Variants in COL5A3 observed in about 807,000 individuals in gnomAD.
COL5A3 encodes collagen type V alpha 3 chain, also known as collagen alpha-3(V) chain.
COL5A3 carries 172 observed loss-of-function variants against 250.0 expected under a neutral mutation model. The ratio of observed to expected loss-of-function variants is 0.69; its 90% CI spans 0.61 to 0.78. COL5A3 has a LOEUF of 0.78. Ranked by LOEUF, COL5A3 falls within the 30% of genes least tolerant of loss-of-function variation. The pLI is 0.00. For missense variants in COL5A3, 2,340 were observed against 2,334.4 expected, an observed-to-expected ratio of 1.00 and a Z score of -0.05; for synonymous variants, 937 against 900.4, an observed-to-expected ratio of 1.04 and a Z score of -0.73.
chr19:9,969,063 T>C (rs1440132862), intron 57 of COL5A3, among the ~76,000 whole-genome samples: 1 of 152,064 alleles, frequency 6.6e-6, no homozygotes, highest in African/African-American at 2.4e-5. Flanking sequence ...CAGAGGGTTA[T>C]AGAGATGGGC....
intron 64 of COL5A3, among the ~76,000 whole-genome samples, chr19:9,965,217 C>CT (rs2086725440): frequency 6.8e-6 from 1 of 147,330 alleles, no homozygotes; most frequent in African/African-American, 2.5e-5. Context: ...TTCAGTGACA[C>CT]GATCTCGGCT....
Position 10,010,312 on chromosome 19 carries a change from G to T in COL5A3, c.74C>A (p.Pro25Gln). ...CLLLAALQLL[P>Q]GTQADPVDVL... ...TCCCGGCTCACCGGCCTGCGTCCCC[G>T]GCAGAAGCTGCAGCGCGGCCAGGAG... The change falls in exon 1 of 67, where the codon CCG becomes CAG. Residue 25 changes from proline (P) to glutamine (Q), a missense_variant. Around this residue, in one of 3 missense-constraint regions of COL5A3, gnomAD observed 1,152 missense variants for 1,146.3 expected, o/e 1.00. Coordinates refer to ENST00000264828, the MANE Select transcript of COL5A3 (RefSeq NM_015719.4). 6.9e-7 allele frequency: 1 copy of T among 1,454,022 alleles called. No homozygotes were observed. The highest frequency in any genetic ancestry group is 1.5e-5 in the African/African-American group (1 of 68,090). The allele number at this position is 1,454,022 out of a possible 1,614,324, so 90.1% of individuals were successfully genotyped here.
rs373079452 is a variant in COL5A3 at position 9,960,428 on chromosome 19, C to T, written c.5221G>A (p.Val1741Ile). The change falls in exon 67 of 67, where the codon GTC becomes ATC. Residue 1741 changes from valine (V) to isoleucine (I), a missense_variant. Val to Ile is a conservative substitution (Grantham distance 29). Around this residue, in one of 3 missense-constraint regions of COL5A3, gnomAD observed 1,179 missense variants for 1,162.6 expected, o/e 1.01. Transcript: ENST00000264828. ...NQKFGFELGP[V>I]CFSS The stretch of plus-strand genomic sequence containing the variant: ...GGACACTCTCAGCTGCTGAAGCAGA[C>T]GGGGCCCAGTTCAAACCCAAACTTT... 14 of 1,614,074 alleles carry T rather than the reference C, an allele frequency of 8.7e-6. No individual in the cohort carries two copies. The highest frequency in any genetic ancestry group is 1.3e-5 in the African/African-American group (1 of 74,930).
intron 27 of COL5A3, among the ~76,000 whole-genome samples, chr19:9,987,987 C>A (rs545132714): frequency 3.3e-5 from 5 of 152,190 alleles, no homozygotes; most frequent in Non-Finnish European, 5.9e-5. Context: ...GTAATCCCAG[C>A]ACTTTGAGAG....
In COL5A3 at chr19:10,004,125, C is replaced by T; in HGVS notation, c.615G>A (p.Leu205=). The change falls in exon 5 of 67, where the codon CTG becomes CTA. Residue 205 remains leucine (L), a synonymous_variant. Transcript: ENST00000264828. ...AGGCAGCCTGAGGATCTGGGCTTAT[C>T]AGCAGCTCCTGAATGTCTCCCTGGG... ...KTFEGDIQEL[L]ISPDPQAAFQ... is the part of the protein sequence containing the mutation. The T allele has an allele frequency of 1.2e-6, 2 of 1,613,924 alleles. No individual in the cohort carries two copies. The highest frequency in any genetic ancestry group is 1.7e-6 in the Non-Finnish European group (2 of 1,179,880).
chr19:9,992,164 TG>T, intron 21 of COL5A3, 116 bp from the exon 22 acceptor site: 1 of 859,910 alleles, frequency 1.2e-6, no homozygotes, highest in Non-Finnish European at 1.9e-6. Flanking sequence ...GGCTCATGCT[TG>T]TAATCCCAGC....
intron 27 of COL5A3, among the ~76,000 whole-genome samples, chr19:9,987,217 T>G (rs1249009732): frequency 6.6e-6 from 1 of 152,210 alleles, no homozygotes; most frequent in Non-Finnish European, 1.5e-5. Flanking sequence ...AAAACTGCAC[T>G]TGGCTACAAC....
intron 11 of COL5A3, 72 bp from the exon 12 acceptor site, chr19:9,996,761 A>C (rs2087280050): frequency 2.5e-6 from 3 of 1,189,810 alleles, no homozygotes. Flanking sequence ...CAGGGGAGGC[A>C]CAGAAGGATG....
chr19:9,967,265 G>A, intron 62 of COL5A3, 82 bp downstream of exon 62: 1 of 1,045,946 alleles, frequency 9.6e-7, no homozygotes, highest in Non-Finnish European at 1.3e-6. Context: ...CGCACGGAAG[G>A]ACCCTCTGGG....
At chr19:9,998,188 T>C in intron 8 of COL5A3, 39 bp from the exon 9 acceptor site, 1 of 1,583,596 alleles carries the variant, frequency 6.3e-7, no homozygotes, top group Non-Finnish European at 8.6e-7. Flanking sequence ...AAAAGAGATG[T>C]GAACTTGGAC....
rs750642805 is a variant in COL5A3 at position 9,998,144 on chromosome 19, A to G, written c.1116T>C (p.Ala372=). 5 of 1,613,510 alleles carry G rather than the reference A, an allele frequency of 3.1e-6. No homozygotes were observed. In the East Asian group the frequency reaches 1.1e-4, roughly 36 times the overall value. Residue 372 remains alanine (A), a synonymous_variant, in exon 9 of 67, where the codon GCT becomes GCC. Coordinates refer to ENST00000264828, the MANE Select transcript of COL5A3 (RefSeq NM_015719.4). ...GCTCTCCTTTTGCTCCTTTCTCTCC[A>G]GCACCCTGGGGTGGGGTCAGGGGAG... ...SRTQFQIFPG[A]GEKGAKGEPA... is the part of the protein sequence containing the mutation.
intron 40 of COL5A3, 56 bp downstream of exon 40, chr19:9,978,835 C>G: frequency 3.3e-6 from 4 of 1,221,820 alleles, no homozygotes; most frequent in Non-Finnish European, 4.4e-6. Flanking sequence ...CTCCCCTGAC[C>G]CCCCCATCCT....
intron 61 of COL5A3, 83 bp from the exon 62 acceptor site, chr19:9,967,483 T>TCA: frequency 4.9e-5 from 40 of 812,112 alleles, no homozygotes; most frequent in South Asian, 8.4e-5. Flanking sequence ...ACACACACAC[T>TCA]CACACACACA....
intron 1 of COL5A3, among the ~76,000 whole-genome samples, chr19:10,008,445 T>TA (rs533739584): frequency 2.0e-5 from 3 of 148,384 alleles, no homozygotes; most frequent in African/African-American, 7.5e-5. Context: ...GGACAAGGGG[T>TA]GGGGGGGTCT....
At chr19:9,970,855 CG>C in intron 53 of COL5A3, 119 bp downstream of exon 53, 1 of 1,099,182 alleles carries the variant, frequency 9.1e-7, no homozygotes, top group Non-Finnish European at 1.3e-6. Flanking sequence ...AGAGGTGAAG[CG>C]GGAGCATCTG....
chr19:9,966,250 G>A, intron 64 of COL5A3, 64 bp downstream of exon 64: 1 of 1,214,714 alleles, frequency 8.2e-7, no homozygotes, highest in South Asian at 1.3e-5. Context: ...CAAGGTGGTT[G>A]TGGGTGTGGG....
Position 10,006,199 on chromosome 19 carries a change from G to A in COL5A3, c.121C>T (p.Gln41Ter). 6.2e-7 allele frequency: 1 copy of A among 1,604,484 alleles called. No individual in the cohort carries two copies. The highest frequency in any genetic ancestry group is 8.5e-7 in the Non-Finnish European group (1 of 1,176,054). ...TCGGGGACCCCAGCCTGGCCTCCCT[G>A]CACACCCAGGGCCTTCAGGACATCC... is the stretch of plus-strand genomic sequence containing the variant. ...PVDVLKALGVQGGQAGVPEGP... is the reference protein window; with the variant it reads ...PVDVLKALGV Residue 41 changes from glutamine (Q) to a stop codon, truncating the protein, a stop_gained, in exon 2 of 67, where the codon CAG (glutamine) becomes TAG (stop). Coordinates refer to ENST00000264828, the MANE Select transcript of COL5A3 (RefSeq NM_015719.4). LOFTEE classifies it high-confidence loss of function.
chr19:10,005,517 C>T, intron 4 of COL5A3, 41 bp downstream of exon 4: 7 of 1,599,842 alleles, frequency 4.4e-6, no homozygotes, highest in Non-Finnish European at 6.0e-6. Flanking sequence ...GACAAAACAT[C>T]CCACCCTCTG....
At chr19:9,972,270 C>T (rs2086859459) in intron 51 of COL5A3, among the ~76,000 whole-genome samples, 1 of 152,212 alleles carries the variant, frequency 6.6e-6, no homozygotes, top group African/African-American at 2.4e-5. Context: ...TTAATTCACT[C>T]ATTCACCCAT....
Sources: gnomAD v4.1 joint callset for allele counts (sites outside exome capture counted in the v4.1 genomes callset) on GRCh38, gnomAD v4.1.1 for gene constraint, gnomAD v4.1.1 regional missense constraint, MANE v1.5 for transcripts, NCBI Gene and HGNC (gene_info 2026-07-23, HGNC 2026-07-21) for gene names.